Variants in SLC24A2 observed in about 807,000 individuals in gnomAD.
SLC24A2 encodes the protein solute carrier family 24 member 2.
Under a neutral mutation model 62.0 loss-of-function variants are expected in SLC24A2, and 36 were observed. The ratio of observed to expected loss-of-function variants is 0.58; its 90% CI spans 0.44 to 0.77. The LOEUF is 0.77. SLC24A2 is among the 30% of genes least tolerant of loss of function. SLC24A2 has a pLI of 0.00. For synonymous variants in SLC24A2, 358 were observed against 294.0 expected, an observed-to-expected ratio of 1.22 and a Z score of -2.23; for missense variants, 846 against 817.9, an observed-to-expected ratio of 1.03 and a Z score of -0.42.
intron 8 of SLC24A2, among the ~76,000 whole-genome samples, chr9:19,547,015 A>AG (rs1426896298): frequency 5.6e-4 from 85 of 151,632 alleles, no homozygotes; most frequent in African/African-American, 2.0e-3. Flanking sequence ...TGGAAAAATC[A>AG]CCTGCCTTCT....
At chr9:19,689,805 G>T (rs1363508839) in intron 2 of SLC24A2, among the ~76,000 whole-genome samples, 5 of 152,124 alleles carry the variant, frequency 3.3e-5, no homozygotes, top group Admixed American at 3.3e-4. Context: ...ACTGGGCCAA[G>T]GGATGCCCAG....
At chr9:20,032,362 G>A in the SLC24A2 span, among the ~76,000 whole-genome samples, 89 of 152,230 alleles carry the variant, frequency 5.8e-4, no homozygotes, top group African/African-American at 1.8e-3. Flanking sequence ...GGGAAAAGAA[G>A]GATGATGATT....
the SLC24A2 span, among the ~76,000 whole-genome samples, chr9:20,241,887 C>T: frequency 6.6e-6 from 1 of 152,184 alleles, no homozygotes; most frequent in African/African-American, 2.4e-5. Context: ...ACATCAATCG[C>T]CACCTTGTTT....
chr9:19,652,026 C>T (rs1818815441), intron 2 of SLC24A2, among the ~76,000 whole-genome samples: 1 of 152,204 alleles, frequency 6.6e-6, no homozygotes, highest in African/African-American at 2.4e-5. Flanking sequence ...GAGATACCCA[C>T]ACTACTTTGT....
At chr9:19,775,493 C>T (rs1250587949) in intron 2 of SLC24A2, among the ~76,000 whole-genome samples, 2 of 152,180 alleles carry the variant, frequency 1.3e-5, no homozygotes, top group Non-Finnish European at 2.9e-5. Context: ...CTGCATTGGT[C>T]AGAGTTAGCC....
chr9:19,563,832 C>CCTTCCTTCCTTCCTT (rs1563968864), intron 7 of SLC24A2, among the ~76,000 whole-genome samples: 1 of 31,390 alleles, frequency 3.2e-5, no homozygotes, highest in African/African-American at 1.2e-4. Context: ...CTTCCTCCCT[C>CCTTCCTTCCTTCCTT]CCTCCCTCCC....
chr9:20,129,928 TAC>T, the SLC24A2 span, among the ~76,000 whole-genome samples: 3,480 of 141,816 alleles, frequency 0.025, 79 homozygotes, highest in Middle Eastern at 0.078. Flanking sequence ...TATAATTTAC[TAC>T]ACACACACAC....
the SLC24A2 span, among the ~76,000 whole-genome samples, chr9:20,153,035 T>G: frequency 6.6e-6 from 1 of 151,852 alleles, no homozygotes; most frequent in African/African-American, 2.4e-5. Flanking sequence ...AGAGCTTAAG[T>G]TAAAACATTT....
chr9:19,657,380 T>A (rs1054901607), intron 2 of SLC24A2, among the ~76,000 whole-genome samples: 1 of 152,184 alleles, frequency 6.6e-6, no homozygotes, highest in Non-Finnish European at 1.5e-5. Context: ...TTCATGTTTT[T>A]ATTTTTTATT....
the SLC24A2 span, among the ~76,000 whole-genome samples, chr9:19,941,375 C>T: frequency 6.6e-6 from 1 of 152,138 alleles, no homozygotes; most frequent in African/African-American, 2.4e-5. Flanking sequence ...ATGACACAAC[C>T]CTTTATGGGG....
intron 9 of SLC24A2, among the ~76,000 whole-genome samples, chr9:19,527,330 T>A (rs1284180695): frequency 6.6e-6 from 1 of 152,200 alleles, no homozygotes; most frequent in Non-Finnish European, 1.5e-5. Context: ...AACTTTAAGC[T>A]TAACTTCTTT....
chr9:20,031,217 T>TTA, the SLC24A2 span, among the ~76,000 whole-genome samples: 783 of 150,460 alleles, frequency 5.2e-3, 5 homozygotes, highest in African/African-American at 0.018. Context: ...ACTTTGCACA[T>TTA]ACACACACAC....
At chr9:20,269,203 T>C in the SLC24A2 span, among the ~76,000 whole-genome samples, 53,383 of 151,876 alleles carry the variant, frequency 0.35, 10,439 homozygotes, top group African/African-American at 0.53. Flanking sequence ...ACACTCAAAA[T>C]CTCAAGTTTT....
chr9:20,135,549 G>T, the SLC24A2 span, among the ~76,000 whole-genome samples: 2 of 152,008 alleles, frequency 1.3e-5, no homozygotes, highest in Admixed American at 6.6e-5. Context: ...CGAGGTCATT[G>T]TAAGTATTAA....
intron 2 of SLC24A2, among the ~76,000 whole-genome samples, chr9:19,781,238 A>G (rs1433616666): frequency 6.6e-6 from 1 of 152,228 alleles, no homozygotes; most frequent in Non-Finnish European, 1.5e-5. Flanking sequence ...CAGTAGCAAG[A>G]GAATAGCTTA....
chr9:19,725,932 G>T (rs575672775), intron 2 of SLC24A2, among the ~76,000 whole-genome samples: 1 of 152,090 alleles, frequency 6.6e-6, no homozygotes, highest in Non-Finnish European at 1.5e-5. Context: ...TTCCTGCTCT[G>T]CCCTGGTCCT....
chr9:19,961,410 T>A, the SLC24A2 span, among the ~76,000 whole-genome samples: 9 of 152,256 alleles, frequency 5.9e-5, no homozygotes, highest in East Asian at 1.5e-3. Context: ...TGGCATGGGG[T>A]TAAAAGCCTT....
At chr9:19,517,016 A>T (rs775263876) in intron 10 of SLC24A2, among the ~76,000 whole-genome samples, 1 of 152,174 alleles carries the variant, frequency 6.6e-6, no homozygotes, top group Non-Finnish European at 1.5e-5. Context: ...AGTATCTTAC[A>T]TTTGTGATGT....
chr9:20,202,915 A>C, the SLC24A2 span, among the ~76,000 whole-genome samples: 1 of 152,236 alleles, frequency 6.6e-6, no homozygotes, highest in East Asian at 1.9e-4. Flanking sequence ...ATTTTAATTT[A>C]GCAAACACTC....
Sources: gnomAD v4.1 joint callset for allele counts (sites outside exome capture counted in the v4.1 genomes callset) on GRCh38, gnomAD v4.1.1 for gene constraint, MANE v1.5 for transcripts, NCBI Gene and HGNC (gene_info 2026-07-23, HGNC 2026-07-21) for gene names.